The following CCDC148 variants were observed in gnomAD, a reference collection of about 807,000 sequenced individuals.
The protein encoded by CCDC148 is coiled-coil domain-containing protein 148.
In CCDC148, 89 loss-of-function variants were observed where a neutral mutation model predicts 85.7. The ratio of observed to expected loss-of-function variants is 1.04; its 90% CI spans 0.87 to 1.24. CCDC148 has a LOEUF of 1.24. Ranked by LOEUF, CCDC148 falls within the 50% of genes most tolerant of loss-of-function variation. The pLI, the probability that CCDC148 is intolerant of heterozygous loss-of-function variation, is 0.00. For missense variants in CCDC148, 692 were observed against 671.7 expected, an observed-to-expected ratio of 1.03 and a Z score of -0.33; for synonymous variants, 230 against 213.9, an observed-to-expected ratio of 1.08 and a Z score of -0.66.
rs528327827 is a variant in CCDC148 at position 158,262,056 on chromosome 2, G to A, written c.1111-11144C>T. Among the ~76,000 whole-genome samples, 7 of 152,072 alleles carry A rather than the reference G, an allele frequency of 4.6e-5. No individual in the cohort carries two copies. The South Asian group carries it at 6.2e-4, about 14-fold the overall frequency. On this transcript the variant is annotated intron_variant, in intron 9 of 13. Coordinates refer to ENST00000283233, the MANE Select transcript of CCDC148 (RefSeq NM_138803.4). ...AATCATTCCACCATAAAAAAGACGT[G>A]CATGCAAATGTTCATTGCAGCACTA...
At chr2:158,426,427 C>T (rs1484308635) in intron 1 of CCDC148, among the ~76,000 whole-genome samples, 1 of 152,096 alleles carries the variant, frequency 6.6e-6, no homozygotes, top group Non-Finnish European at 1.5e-5. Flanking sequence ...AGTAGGTAAG[C>T]ATTTGCATAT....
intron 9 of CCDC148, among the ~76,000 whole-genome samples, chr2:158,255,415 T>C (rs1381768754): frequency 3.3e-5 from 5 of 151,596 alleles, no homozygotes; most frequent in Non-Finnish European, 7.4e-5. Context: ...CAAAACAACT[T>C]TTAAGAATGC....
At chr2:158,334,874 A>C (rs1449269605) in intron 7 of CCDC148, among the ~76,000 whole-genome samples, 3 of 152,164 alleles carry the variant, frequency 2.0e-5, no homozygotes. Context: ...TCATTTTTAA[A>C]GTTTGGCTGA....
chr2:158,223,094 C>G (rs1687280287), intron 10 of CCDC148, among the ~76,000 whole-genome samples: 1 of 152,150 alleles, frequency 6.6e-6, no homozygotes, highest in Non-Finnish European at 1.5e-5. Context: ...CAGACAGCAC[C>G]TGGAAAATCG....
rs181095778 is a variant in CCDC148, at chr2:158,333,440, G to C, written c.764+5286C>G. 2.6e-5 allele frequency among the ~76,000 whole-genome samples: 4 copies of C among 152,162 alleles called. No homozygotes were observed. In the East Asian group the frequency reaches 7.7e-4, roughly 29 times the overall value. ...CTGAGGAGTGTTTTACTTCCAATTA[G>C]ATGGTCAGTTTTAGAATAAGTACGA... On this transcript the variant is annotated intron_variant, in intron 7 of 13. Coordinates refer to ENST00000283233, the MANE Select transcript of CCDC148 (RefSeq NM_138803.4).
chr2:158,414,865 G>T (rs1480138738), intron 1 of CCDC148, among the ~76,000 whole-genome samples: 1 of 152,128 alleles, frequency 6.6e-6, no homozygotes, highest in African/African-American at 2.4e-5. Flanking sequence ...AGGAAAAATA[G>T]GTACATCCAA....
intron 11 of CCDC148, among the ~76,000 whole-genome samples, chr2:158,179,643 C>G (rs568951832): frequency 7.9e-5 from 12 of 152,002 alleles, no homozygotes; most frequent in African/African-American, 2.7e-4. Flanking sequence ...CTTTAGCACA[C>G]CTTGGGTTGT....
chr2:158,384,682 T>C (rs1217106850), intron 1 of CCDC148, among the ~76,000 whole-genome samples: 1 of 152,172 alleles, frequency 6.6e-6, no homozygotes, highest in Non-Finnish European at 1.5e-5. Context: ...AGTAGGTCTT[T>C]ATAGCAATGC....
intron 1 of CCDC148, among the ~76,000 whole-genome samples, chr2:158,421,789 C>T (rs537120080): frequency 1.3e-4 from 20 of 152,004 alleles, no homozygotes; most frequent in Admixed American, 7.2e-4. Context: ...AAAAAATCAA[C>T]GAATCCGGGA....
chr2:158,183,606 C>T (rs1048994681), intron 11 of CCDC148, among the ~76,000 whole-genome samples: 4 of 152,100 alleles, frequency 2.6e-5, no homozygotes, highest in Non-Finnish European at 5.9e-5. Context: ...TAAAATGGAG[C>T]ATAAAGACGT....
At chr2:158,444,897 T>A (rs1023234077) in intron 1 of CCDC148, among the ~76,000 whole-genome samples, 27 of 149,960 alleles carry the variant, frequency 1.8e-4, no homozygotes, top group African/African-American at 6.6e-4. Context: ...TTTTTACTAA[T>A]CTTAACAAAT....
chr2:158,274,887 A>G (rs1161490505), intron 9 of CCDC148, among the ~76,000 whole-genome samples: 1 of 152,242 alleles, frequency 6.6e-6, no homozygotes, highest in Non-Finnish European at 1.5e-5. Context: ...GGACCAGAAG[A>G]AAAACTGGCC....
intron 9 of CCDC148, among the ~76,000 whole-genome samples, chr2:158,268,198 G>A (rs948614098): frequency 4.6e-5 from 7 of 152,086 alleles, no homozygotes; most frequent in Admixed American, 1.3e-4. Flanking sequence ...CTGCCTGTCC[G>A]TCAGCAATGC....
intron 1 of CCDC148, among the ~76,000 whole-genome samples, chr2:158,401,012 C>T (rs760485495): frequency 5.9e-5 from 9 of 152,144 alleles, no homozygotes; most frequent in Non-Finnish European, 8.8e-5. Flanking sequence ...TATCATCTCA[C>T]GCCAGTTAGA....
chr2:158,433,141 T>TC (rs1199390360), intron 1 of CCDC148, among the ~76,000 whole-genome samples: 1 of 137,574 alleles, frequency 7.3e-6, no homozygotes, highest in African/African-American at 2.6e-5. Flanking sequence ...ACACCTGTAG[T>TC]CCCAGCAACT....
At chr2:158,456,108 T>C (rs987351884) in intron 1 of CCDC148, among the ~76,000 whole-genome samples, 18 of 152,226 alleles carry the variant, frequency 1.2e-4, no homozygotes, top group Non-Finnish European at 2.6e-4. Flanking sequence ...CACAGATGTG[T>C]TTAATAAATA....
chr2:158,428,884 C>G (rs1165728616), intron 1 of CCDC148, among the ~76,000 whole-genome samples: 2 of 152,088 alleles, frequency 1.3e-5, no homozygotes, highest in Non-Finnish European at 2.9e-5. Flanking sequence ...TTGGAACCAA[C>G]CCAAATGTCC....
chr2:158,199,398 C>A (rs1340082782), intron 11 of CCDC148, among the ~76,000 whole-genome samples: 4 of 152,094 alleles, frequency 2.6e-5, no homozygotes, highest in Non-Finnish European at 5.9e-5. Flanking sequence ...GCATCCGCCA[C>A]CACCCCTGGC....
intron 11 of CCDC148, among the ~76,000 whole-genome samples, chr2:158,185,154 C>T (rs1474073080): frequency 6.6e-6 from 1 of 152,154 alleles, no homozygotes; most frequent in African/African-American, 2.4e-5. Context: ...ACCTTTCAAC[C>T]CCATTCTTTC....
Sources: allele counts gnomAD v4.1 joint callset (sites outside exome capture counted in the v4.1 genomes callset), GRCh38; gene constraint gnomAD v4.1.1; transcripts MANE v1.5; gene names NCBI Gene and HGNC (gene_info 2026-07-23, HGNC 2026-07-21).